Variants in PDGFC observed in about 807,000 individuals in gnomAD.
PDGFC encodes the protein platelet-derived growth factor C.
PDGFC carries 12 observed loss-of-function variants against 35.5 expected under a neutral mutation model. The ratio of observed to expected loss-of-function variants is 0.34; its 90% CI spans 0.22 to 0.55. The LOEUF (loss-of-function observed/expected upper bound fraction) is 0.55, where lower values mean the gene tolerates loss of function less well. PDGFC is among the 20% of genes least tolerant of loss of function. The pLI, the probability that PDGFC is intolerant of heterozygous loss-of-function variation, is 0.91. For missense variants in PDGFC, 322 were observed against 412.4 expected, an observed-to-expected ratio of 0.78 and a Z score of 1.90; for synonymous variants, 159 against 148.8, an observed-to-expected ratio of 1.07 and a Z score of -0.50.
At chr4:156,809,287 A>G (rs573610594) in intron 3 of PDGFC, among the ~76,000 whole-genome samples, 32 of 152,168 alleles carry the variant, frequency 2.1e-4, no homozygotes, top group African/African-American at 7.0e-4. Flanking sequence ...AATGACATAC[A>G]TTTGGCCTAA....
At position 156,847,262 on chromosome 4, in the gene PDGFC, T is replaced by C. The variant is rs575757602; in HGVS notation, c.314+2959A>G. ...CCCAGCAGATACCACCATACGTAAG[T>C]GATCAAAGCTAACATCATCACTAAT... On this transcript the variant is annotated intron_variant, in intron 2 of 5. Coordinates refer to ENST00000502773, the MANE Select transcript of PDGFC (RefSeq NM_016205.3). 5.1e-4 allele frequency among the ~76,000 whole-genome samples: 77 copies of C among 151,856 alleles called. No homozygotes were observed. In the East Asian group the frequency reaches 9.5e-3, roughly 19 times the overall value.
intron 3 of PDGFC, among the ~76,000 whole-genome samples, chr4:156,805,002 A>G (rs1340802545): frequency 6.6e-6 from 1 of 152,068 alleles, no homozygotes; most frequent in Non-Finnish European, 1.5e-5. Flanking sequence ...CTTTCTAACT[A>G]CAAATCATAG....
intron 1 of PDGFC, among the ~76,000 whole-genome samples, chr4:156,964,546 T>C (rs1732421269): frequency 1.3e-5 from 2 of 151,542 alleles, no homozygotes; most frequent in Non-Finnish European, 2.9e-5. Context: ...CCCTTACTGT[T>C]CCCGTAAATA....
chr4:156,819,709 A>G (rs1732196665), intron 2 of PDGFC, among the ~76,000 whole-genome samples: 1 of 152,214 alleles, frequency 6.6e-6, no homozygotes, highest in African/African-American at 2.4e-5. Flanking sequence ...CTCAATATCT[A>G]TTCTGCAGTC....
At chr4:156,820,329 G>C (rs1315070946) in intron 2 of PDGFC, among the ~76,000 whole-genome samples, 1 of 152,206 alleles carries the variant, frequency 6.6e-6, no homozygotes, top group Admixed American at 6.5e-5. Context: ...ATATTTCATG[G>C]AAGTAAGAAT....
At chr4:156,932,918 AAC>A (rs927838250) in intron 1 of PDGFC, among the ~76,000 whole-genome samples, 2 of 151,708 alleles carry the variant, frequency 1.3e-5, no homozygotes, top group Admixed American at 6.6e-5. Context: ...AGAAGTTTCT[AAC>A]ACACACACAC....
At chr4:156,886,492 C>T (rs1730378903) in intron 1 of PDGFC, among the ~76,000 whole-genome samples, 1 of 152,170 alleles carries the variant, frequency 6.6e-6, no homozygotes, top group Admixed American at 6.5e-5. Context: ...GGCAGACATA[C>T]TTTTATCACC....
chr4:156,813,613 C>G (rs1418696555), intron 2 of PDGFC, among the ~76,000 whole-genome samples: 1 of 151,956 alleles, frequency 6.6e-6, no homozygotes, highest in Non-Finnish European at 1.5e-5. Flanking sequence ...TAAGCATGGT[C>G]CATTGTGAAC....
chr4:156,803,562 A>G (rs1472674901), intron 3 of PDGFC, among the ~76,000 whole-genome samples: 1 of 152,142 alleles, frequency 6.6e-6, no homozygotes, highest in African/African-American at 2.4e-5. Context: ...AGCATGTTAA[A>G]TAGAGTCGTA....
chr4:156,970,684 A>C (rs2110998976), intron 1 of PDGFC, 102 bp downstream of exon 1: 1 of 745,022 alleles, frequency 1.3e-6, no homozygotes, highest in Non-Finnish European at 2.4e-6. Flanking sequence ...GAGAGACCAA[A>C]GATACCTTCA....
intron 1 of PDGFC, among the ~76,000 whole-genome samples, chr4:156,941,798 A>T (rs1016921256): frequency 2.6e-5 from 4 of 152,142 alleles, no homozygotes; most frequent in Non-Finnish European, 5.9e-5. Context: ...GAATACCAAC[A>T]ATTCTGAGAG....
chr4:156,826,030 G>A (rs958558046), intron 2 of PDGFC, among the ~76,000 whole-genome samples: 5 of 151,332 alleles, frequency 3.3e-5, no homozygotes, highest in African/African-American at 1.2e-4. Flanking sequence ...TACCAGGCCA[G>A]GTTAATTTTT....
chr4:156,783,699 C>T (rs1052083674), intron 3 of PDGFC, among the ~76,000 whole-genome samples: 4 of 152,138 alleles, frequency 2.6e-5, no homozygotes, highest in East Asian at 3.9e-4. Flanking sequence ...CTACTTGCCT[C>T]GAAGTTCTTT....
chr4:156,900,886 A>T (rs567029374), intron 1 of PDGFC, among the ~76,000 whole-genome samples: 1 of 137,222 alleles, frequency 7.3e-6, no homozygotes, highest in African/African-American at 2.6e-5. Context: ...GGAGGGAGGA[A>T]AGGAGGGAAG....
intron 3 of PDGFC, among the ~76,000 whole-genome samples, 193 bp downstream of exon 3, chr4:156,810,644 C>T (rs1731907202): frequency 6.6e-6 from 1 of 151,962 alleles, no homozygotes. Context: ...ATGGTAAATA[C>T]TGATTTCATA....
At chr4:156,945,210 A>C (rs1303349480) in intron 1 of PDGFC, among the ~76,000 whole-genome samples, 1 of 151,384 alleles carries the variant, frequency 6.6e-6, no homozygotes, top group Non-Finnish European at 1.5e-5. Flanking sequence ...ATTGCTTTTT[A>C]ATCTGTGACT....
chr4:156,898,889 T>C (rs1730697793), intron 1 of PDGFC, among the ~76,000 whole-genome samples: 1 of 152,224 alleles, frequency 6.6e-6, no homozygotes, highest in African/African-American at 2.4e-5. Flanking sequence ...TCACCTGAGC[T>C]CAAGTGATCC....
Position 156,772,788 on chromosome 4 carries a change from G to A in PDGFC, c.601C>T (p.Arg201Ter), listed in dbSNP as rs1041162351. Residue 201 changes from arginine (R) to a stop codon, truncating the protein, a stop_gained, in exon 4 of 6, where the codon CGA becomes TGA. Coordinates refer to ENST00000502773, the MANE Select transcript of PDGFC (RefSeq NM_016205.3). LOFTEE classifies it high-confidence loss of function. The part of the protein sequence containing the change: ...TAFSTLEDLI[R>*]YLEPERWQLD... Reference sequence around the variant, plus strand: ...TGCCATCTCTCTGGTTCAAGATATCGAATAAGGTCTTCCAAGGTACTAAAG... The same window carrying A: ...TGCCATCTCTCTGGTTCAAGATATCAAATAAGGTCTTCCAAGGTACTAAAG... The A allele has an allele frequency of 2.5e-6, 4 of 1,612,434 alleles. No individual in the cohort carries two copies. Among genetic ancestry groups the A allele is most frequent in the Non-Finnish European group, 3.4e-6 (4 of 1,178,610 alleles).
At chr4:156,858,083 CTTAT>C (rs1411801951) in intron 1 of PDGFC, among the ~76,000 whole-genome samples, 1 of 151,964 alleles carries the variant, frequency 6.6e-6, no homozygotes, top group Non-Finnish European at 1.5e-5. Context: ...CTGGAATAGC[CTTAT>C]TTAAGTCTGT....
Sources: allele counts gnomAD v4.1 joint callset (sites outside exome capture counted in the v4.1 genomes callset), GRCh38; gene constraint gnomAD v4.1.1; transcripts MANE v1.5; gene names NCBI Gene and HGNC (gene_info 2026-07-23, HGNC 2026-07-21).